Variants in IGSF11 observed in about 807,000 individuals in gnomAD.
IGSF11 encodes CXADR like 1.
IGSF11 carries 22 observed loss-of-function variants against 41.0 expected under a neutral mutation model. That is an observed-to-expected ratio of 0.54 (90% confidence interval 0.38 to 0.77). The LOEUF is 0.77. IGSF11 is among the 30% of genes least tolerant of loss of function. IGSF11 has a pLI of 0.00. For synonymous variants in IGSF11, 219 were observed against 201.3 expected (o/e 1.09, Z -0.74); for missense variants, 444 against 530.8 (o/e 0.84, Z 1.61).
At chr3:119,087,609 T>C (rs2062229108) in intron 1 of IGSF11, among the ~76,000 whole-genome samples, 1 of 151,908 alleles carries the variant, frequency 6.6e-6, no homozygotes, top group Non-Finnish European at 1.5e-5. Flanking sequence ...ACCCTGGACT[T>C]TGGGGACTTG....
intron 1 of IGSF11, among the ~76,000 whole-genome samples, chr3:118,967,669 T>C (rs1161717883): frequency 6.6e-6 from 1 of 152,138 alleles, no homozygotes; most frequent in African/African-American, 2.4e-5. Flanking sequence ...ACCCTTCTCA[T>C]AAAGGACCAC....
At chr3:119,061,058 G>A (rs1211638448) in intron 1 of IGSF11, among the ~76,000 whole-genome samples, 1 of 151,890 alleles carries the variant, frequency 6.6e-6, no homozygotes, top group African/African-American at 2.4e-5. Flanking sequence ...CTGTTTCTAT[G>A]GTAACACAAT....
chr3:118,925,965 AAC>A (rs910746184), intron 4 of IGSF11, 134 bp downstream of exon 4: 24 of 522,244 alleles, frequency 4.6e-5, no homozygotes, highest in African/African-American at 4.3e-4. Context: ...TAAATTTGAA[AAC>A]ACAAAATGAT....
chr3:119,142,947 T>C (rs778244776), intron 1 of IGSF11, among the ~76,000 whole-genome samples: 11 of 152,232 alleles, frequency 7.2e-5, no homozygotes, highest in Middle Eastern at 6.8e-3. Flanking sequence ...TAAGACAACA[T>C]ATTTACAGTT....
At chr3:118,976,485 C>T (rs1232673421) in intron 1 of IGSF11, among the ~76,000 whole-genome samples, 1 of 152,204 alleles carries the variant, frequency 6.6e-6, no homozygotes, top group East Asian at 1.9e-4. Flanking sequence ...TCACCTACTT[C>T]CCAGTATCTC....
intron 1 of IGSF11, among the ~76,000 whole-genome samples, chr3:119,055,911 C>A (rs1941813866): frequency 6.6e-6 from 1 of 152,148 alleles, no homozygotes; most frequent in Non-Finnish European, 1.5e-5. Context: ...TAAAGATGGT[C>A]TTTGAAACCA....
intron 1 of IGSF11, among the ~76,000 whole-genome samples, chr3:119,058,347 T>C (rs2107448476): frequency 6.6e-6 from 1 of 152,314 alleles, no homozygotes; most frequent in East Asian, 1.9e-4. Flanking sequence ...AGAAGACATT[T>C]ATGCAGCCAA....
intron 1 of IGSF11, among the ~76,000 whole-genome samples, chr3:119,020,778 C>G (rs553215906): frequency 6.6e-6 from 1 of 152,214 alleles, no homozygotes; most frequent in African/African-American, 2.4e-5. Flanking sequence ...TCTTCCTCCA[C>G]ATGACATTTT....
Position 119,044,644 on chromosome 3 carries a change from T to G in IGSF11, c.49+60500A>C, listed in dbSNP as rs1941248423. Among the ~76,000 whole-genome samples, 6 of 152,218 alleles carry G rather than the reference T, an allele frequency of 3.9e-5. No individual in the cohort carries two copies. In the South Asian group the frequency reaches 1.2e-3, roughly 32 times the overall value. ...TAATATTAAGATGAAGAAAAGAATC[T>G]TAAGAGTTGTGAGGTAAAACCATCT... On this transcript the variant is annotated intron_variant, in intron 1 of 6. Coordinates refer to the IGSF11 transcript ENST00000354673.
At chr3:119,102,997 AT>A (rs142951970) in intron 1 of IGSF11, among the ~76,000 whole-genome samples, 33,936 of 126,384 alleles carry the variant, frequency 0.27, 3,395 homozygotes, top group Middle Eastern at 0.34. Flanking sequence ...TACTTGGCCA[AT>A]TTTTTTTTTT....
At position 119,111,535 on chromosome 3, in the gene IGSF11, A is replaced by T. The variant is rs368689262; in HGVS notation, c.-13-6330T>A. Reference sequence around the variant, plus strand: ...TTTCAACTTCTTTGCCTTTGGTTTGAATTTCCTCCTGTAGGTTGGAGTAGT... The same window carrying T: ...TTTCAACTTCTTTGCCTTTGGTTTGTATTTCCTCCTGTAGGTTGGAGTAGT... On this transcript the variant is annotated intron_variant, in intron 1 of 7. Coordinates refer to the IGSF11 transcript ENST00000425327. 5.5e-4 allele frequency among the ~76,000 whole-genome samples: 83 copies of T among 152,194 alleles called. 1 individual carries two copies. The South Asian group carries it at 7.5e-3, about 14-fold the overall frequency.
At chr3:119,099,356 G>C (rs1356961456) in intron 1 of IGSF11, among the ~76,000 whole-genome samples, 1 of 152,140 alleles carries the variant, frequency 6.6e-6, no homozygotes, top group African/African-American at 2.4e-5. Flanking sequence ...CTCTGCATGA[G>C]GGAAGGTACA....
intron 1 of IGSF11, among the ~76,000 whole-genome samples, chr3:119,007,317 TCGGCTCGCGCA>T (rs1937565762): frequency 7.2e-6 from 1 of 139,820 alleles, no homozygotes; most frequent in Non-Finnish European, 1.5e-5. Flanking sequence ...TCGCCCTGCT[TCGGCTCGCGCA>T]CGGTGCGCGC....
intron 1 of IGSF11, among the ~76,000 whole-genome samples, chr3:119,089,715 G>C (rs1233894430): frequency 6.6e-6 from 1 of 152,126 alleles, no homozygotes; most frequent in African/African-American, 2.4e-5. Flanking sequence ...GATAAGCTAA[G>C]TCAGTAAAGC....
chr3:118,917,335 G>A (rs1559891991), intron 4 of IGSF11, among the ~76,000 whole-genome samples: 2 of 150,116 alleles, frequency 1.3e-5, no homozygotes, highest in African/African-American at 5.0e-5. Flanking sequence ...TTTCTGAAAG[G>A]ATCAACAAAA....
chr3:118,935,429 T>G, intron 1 of IGSF11, among the ~76,000 whole-genome samples: 1 of 145,768 alleles, frequency 6.9e-6, no homozygotes, highest in Non-Finnish European at 1.5e-5. Context: ...TATATACATA[T>G]ACGTATGTAT....
intron 1 of IGSF11, among the ~76,000 whole-genome samples, chr3:119,138,689 A>G (rs904171566): frequency 6.6e-6 from 1 of 151,944 alleles, no homozygotes; most frequent in African/African-American, 2.4e-5. Context: ...TGTCTCAAGA[A>G]AAAAAAATGG....
intron 1 of IGSF11, among the ~76,000 whole-genome samples, chr3:119,115,294 C>T (rs1000960819): frequency 2.6e-5 from 4 of 152,122 alleles, no homozygotes; most frequent in Non-Finnish European, 4.4e-5. Context: ...CATAAGGTAG[C>T]GCTATTTTTA....
intron 1 of IGSF11, among the ~76,000 whole-genome samples, chr3:118,940,144 C>G (rs1259425122): frequency 2.6e-5 from 4 of 152,180 alleles, no homozygotes; most frequent in Non-Finnish European, 5.9e-5. Context: ...GGAGAGATGT[C>G]TGCTCTTGCC....
Sources: allele counts gnomAD v4.1 joint callset (sites outside exome capture counted in the v4.1 genomes callset), GRCh38; gene constraint gnomAD v4.1.1; transcripts MANE v1.5; gene names NCBI Gene and HGNC (gene_info 2026-07-23, HGNC 2026-07-21).